CYP19A1: variants seen among roughly 807,000 people sequenced by gnomAD.
CYP19A1 encodes aromatase.
CYP19A1 carries 32 observed loss-of-function variants against 44.4 expected under a neutral mutation model. The ratio of observed to expected loss-of-function variants is 0.72; its 90% CI spans 0.54 to 0.97. The LOEUF (loss-of-function observed/expected upper bound fraction) is 0.97, where lower values mean the gene tolerates loss of function less well. Among genes scored for constraint, CYP19A1 ranks in the 50% least tolerant of loss-of-function variants. The pLI is 0.00. For missense variants in CYP19A1, 598 were observed against 637.8 expected, an observed-to-expected ratio of 0.94 and a Z score of 0.67; for synonymous variants, 212 against 215.6, an observed-to-expected ratio of 0.98 and a Z score of 0.14.
chr15:51,270,601 G>A (rs1384898690), intron 1 of CYP19A1, among the ~76,000 whole-genome samples: 2 of 152,112 alleles, frequency 1.3e-5, no homozygotes, highest in East Asian at 3.8e-4. Context: ...TATCTCATTT[G>A]AGTCTTTAAA....
At chr15:51,286,416 T>A (rs2035699971) in intron 1 of CYP19A1, among the ~76,000 whole-genome samples, 1 of 152,230 alleles carries the variant, frequency 6.6e-6, no homozygotes, top group South Asian at 2.1e-4. Flanking sequence ...CTTCAGGCAC[T>A]TGTTTGTCTG....
intron 1 of CYP19A1, among the ~76,000 whole-genome samples, chr15:51,304,821 G>A (rs1028868848): frequency 2.7e-5 from 4 of 150,596 alleles, no homozygotes; most frequent in African/African-American, 9.8e-5. Context: ...AACCCTACAA[G>A]GTGAGCTTTA....
chr15:51,251,320 T>C (rs1042475669), intron 1 of CYP19A1, among the ~76,000 whole-genome samples: 2 of 152,160 alleles, frequency 1.3e-5, no homozygotes, highest in African/African-American at 4.8e-5. Context: ...CTGAACCTCT[T>C]TCTGTGGTGA....
chr15:51,249,192 T>G (rs1478587262), intron 1 of CYP19A1, among the ~76,000 whole-genome samples: 1 of 152,118 alleles, frequency 6.6e-6, no homozygotes, highest in Non-Finnish European at 1.5e-5. Flanking sequence ...TCACCTGCCA[T>G]GGCCTCCCAA....
chr15:51,267,650 C>T (rs1435714231), intron 1 of CYP19A1, among the ~76,000 whole-genome samples: 1 of 152,230 alleles, frequency 6.6e-6, no homozygotes, highest in African/African-American at 2.4e-5. Context: ...AGACAAGAGT[C>T]CAAGCTCTCA....
intron 1 of CYP19A1, among the ~76,000 whole-genome samples, chr15:51,303,335 C>T (rs1217816420): frequency 6.6e-6 from 1 of 152,078 alleles, no homozygotes; most frequent in African/African-American, 2.4e-5. Flanking sequence ...CCAATCATAG[C>T]CCCTTAGTAC....
chr15:51,260,347 C>CA (rs2140934189), intron 1 of CYP19A1, among the ~76,000 whole-genome samples: 1 of 152,172 alleles, frequency 6.6e-6, no homozygotes, highest in Non-Finnish European at 1.5e-5. Context: ...GAAGCTAACC[C>CA]ACAGCATATC....
In CYP19A1 at chr15:51,210,800, A is replaced by G. The variant is rs2030873873; in HGVS notation, c.*8T>C. 3 of 1,550,024 alleles carry G rather than the reference A, an allele frequency of 1.9e-6. No individual in the cohort carries two copies. In the East Asian group the frequency reaches 6.7e-5, roughly 35 times the overall value. On this transcript the variant is annotated 3_prime_UTR_variant, in exon 10 of 10. Coordinates refer to ENST00000396402, the MANE Select transcript of CYP19A1 (RefSeq NM_000103.4). ...AAATGCTCCAGAGTGGGTACTGACC[A>G]GCCTTCTCTAGTGTTCCAGACACCT...
intron 1 of CYP19A1, among the ~76,000 whole-genome samples, chr15:51,330,230 G>C (rs2036678412): frequency 6.6e-6 from 1 of 152,114 alleles, no homozygotes; most frequent in Admixed American, 6.5e-5. Context: ...ATGGACCGAA[G>C]AATCGAGTCT....
At chr15:51,271,312 A>G (rs1380804216) in intron 1 of CYP19A1, among the ~76,000 whole-genome samples, 1 of 152,148 alleles carries the variant, frequency 6.6e-6, no homozygotes, top group African/African-American at 2.4e-5. Flanking sequence ...CGAGTCACCT[A>G]AAGTTCTGAC....
At chr15:51,338,144 T>C (rs2036807038) in intron 1 of CYP19A1, among the ~76,000 whole-genome samples, 1 of 151,998 alleles carries the variant, frequency 6.6e-6, no homozygotes. Flanking sequence ...TGAACTGGGG[T>C]GGGAGGTGGG....
chr15:51,282,820 G>A (rs867335710), intron 1 of CYP19A1, among the ~76,000 whole-genome samples: 4 of 152,298 alleles, frequency 2.6e-5, no homozygotes, highest in East Asian at 1.9e-4. Context: ...CTGAGGGCTC[G>A]GAAGAACCAG....
At position 51,210,000 on chromosome 15, in the gene CYP19A1, T is replaced by A. The variant is rs1310352828; in HGVS notation, c.*808A>T. ...AAAGGATTTTTATTTGAATTTGAAG[T>A]GCATCATGTGAATTTTTTTTTCTAC... is the stretch of plus-strand genomic sequence containing the variant. On this transcript the variant is annotated 3_prime_UTR_variant, in exon 10 of 10. Coordinates refer to ENST00000396402, the MANE Select transcript of CYP19A1 (RefSeq NM_000103.4). 1 of 180,690 alleles carries A rather than the reference T, an allele frequency of 5.5e-6. No homozygotes were observed. Among genetic ancestry groups the A allele is most frequent in the East Asian group, 1.7e-4 (1 of 6,036 alleles). The allele number at this position is 180,690 out of a possible 1,614,324, so 11.2% of individuals were successfully genotyped here.
chr15:51,260,063 T>A (rs953421996), intron 1 of CYP19A1, among the ~76,000 whole-genome samples: 3 of 152,198 alleles, frequency 2.0e-5, no homozygotes, highest in Non-Finnish European at 2.9e-5. Context: ...CATATGCCAA[T>A]TATCAAAGTA....
chr15:51,249,408 G>T (rs2034212337), intron 1 of CYP19A1, among the ~76,000 whole-genome samples: 1 of 152,008 alleles, frequency 6.6e-6, no homozygotes, highest in African/African-American at 2.4e-5. Context: ...TCTTCTCCTT[G>T]CCTGAGCCAT....
chr15:51,310,674 G>T (rs1307448193), intron 1 of CYP19A1, among the ~76,000 whole-genome samples: 1 of 152,120 alleles, frequency 6.6e-6, no homozygotes, highest in Non-Finnish European at 1.5e-5. Context: ...TTTTCCCCTT[G>T]CACTTTGCTC....
At chr15:51,249,950 C>G (rs1440588531) in intron 1 of CYP19A1, among the ~76,000 whole-genome samples, 1 of 152,180 alleles carries the variant, frequency 6.6e-6, no homozygotes, top group Non-Finnish European at 1.5e-5. Context: ...CAGTGATTCC[C>G]TGGGACATTC....
intron 5 of CYP19A1, among the ~76,000 whole-genome samples, chr15:51,221,103 T>C (rs367771033): frequency 6.6e-6 from 1 of 152,132 alleles, no homozygotes; most frequent in Non-Finnish European, 1.5e-5. Flanking sequence ...TGTTTAATAA[T>C]AAATTCTGTT....
chr15:51,250,299 G>A (rs549917143), intron 1 of CYP19A1, among the ~76,000 whole-genome samples: 31 of 152,200 alleles, frequency 2.0e-4, no homozygotes, highest in African/African-American at 4.3e-4. Context: ...CTGAGGTTCC[G>A]TGACTTCTAG....
Sources: gnomAD v4.1 joint callset for allele counts (sites outside exome capture counted in the v4.1 genomes callset) on GRCh38, gnomAD v4.1.1 for gene constraint, MANE v1.5 for transcripts, NCBI Gene and HGNC (gene_info 2026-07-23, HGNC 2026-07-21) for gene names.